Variants in FYN observed in about 807,000 individuals in gnomAD.
FYN encodes FYN proto-oncogene, Src family tyrosine kinase, also known as tyrosine-protein kinase Fyn.
A neutral mutation model predicts 70.2 loss-of-function variants in FYN; 10 were observed. That is an observed-to-expected ratio of 0.14 (90% CI 0.09 to 0.24). The LOEUF (loss-of-function observed/expected upper bound fraction) is 0.24. Ranked by LOEUF, FYN falls within the 10% of genes least tolerant of loss-of-function variation. The pLI, the probability that FYN is intolerant of heterozygous loss-of-function variation, is 1.00. For synonymous variants in FYN, 236 were observed against 248.6 expected (o/e 0.95, Z 0.48); for missense variants, 319 against 673.1 (o/e 0.47, Z 5.82).
At chr6:111,705,695 A>G (rs1243991589) in intron 6 of FYN, among the ~76,000 whole-genome samples, 9 of 152,180 alleles carry the variant, frequency 5.9e-5, no homozygotes, top group Admixed American at 5.2e-4. Context: ...CTGAAAATAC[A>G]AAAATTAGCT....
Position 111,801,781 on chromosome 6 carries a change from T to C in FYN, c.-81-21146A>G, listed in dbSNP as rs1377608336. Among the ~76,000 whole-genome samples, 5 of 152,342 alleles carry C rather than the reference T, an allele frequency of 3.3e-5. 1 individual carries two copies. In the East Asian group the frequency reaches 9.6e-4, roughly 29 times the overall value. ...CATTGGTATTAGACATACATATATA[T>C]GGGTGTTCTGTGGACAAACCATATG... On this transcript the variant is annotated intron_variant, in intron 2 of 13. Transcript: ENST00000354650.
At chr6:111,807,925 T>C (rs1236669047) in intron 2 of FYN, among the ~76,000 whole-genome samples, 2 of 151,958 alleles carry the variant, frequency 1.3e-5, no homozygotes, top group South Asian at 4.2e-4. Flanking sequence ...TTGGTCAACA[T>C]AGTGAAACCC....
chr6:111,778,716 G>C (rs981742617), intron 3 of FYN, among the ~76,000 whole-genome samples: 2 of 151,822 alleles, frequency 1.3e-5, no homozygotes, highest in Non-Finnish European at 1.5e-5. Context: ...GGATGGTCTC[G>C]ATCTCCTGAC....
At chr6:111,834,781 T>G (rs1468021766) in intron 2 of FYN, among the ~76,000 whole-genome samples, 4 of 152,092 alleles carry the variant, frequency 2.6e-5, no homozygotes, top group Admixed American at 1.3e-4. Context: ...TTCACAAAAG[T>G]TTATCAGTTG....
chr6:111,737,378 C>T (rs547693059), intron 3 of FYN, among the ~76,000 whole-genome samples: 20 of 152,252 alleles, frequency 1.3e-4, no homozygotes, highest in Middle Eastern at 3.4e-3. Flanking sequence ...TCTAACCCAC[C>T]GGCTATAAAT....
intron 3 of FYN, among the ~76,000 whole-genome samples, chr6:111,731,555 T>C (rs1479302002): frequency 6.6e-6 from 1 of 152,210 alleles, no homozygotes; most frequent in Non-Finnish European, 1.5e-5. Context: ...GTGTTGGCAC[T>C]TTATTCAGGC....
intron 3 of FYN, among the ~76,000 whole-genome samples, chr6:111,742,745 C>T (rs1428171893): frequency 6.6e-6 from 1 of 152,120 alleles, no homozygotes; most frequent in Non-Finnish European, 1.5e-5. Context: ...TATCATTTAC[C>T]ATCTTATGTC....
At position 111,823,937 on chromosome 6, in the gene FYN, A is replaced by G. The variant is rs185660873; in HGVS notation, c.-82+22652T>C. Among the ~76,000 whole-genome samples, 5 of 152,382 alleles carry G rather than the reference A, an allele frequency of 3.3e-5. 1 individual carries two copies. The East Asian group carries it at 9.6e-4, about 29-fold the overall frequency. On this transcript the variant is annotated intron_variant, in intron 2 of 13. Coordinates refer to ENST00000354650, the MANE Select transcript of FYN (RefSeq NM_002037.5). ...TAACAACACACCCAACCATTTCATT[A>G]GAATGCTATTTTTAATCAGTTCGGC... is the stretch of plus-strand genomic sequence containing the variant.
intron 13 of FYN, among the ~76,000 whole-genome samples, chr6:111,672,777 GC>G (rs1299589543): frequency 6.6e-6 from 1 of 152,028 alleles, no homozygotes; most frequent in East Asian, 1.9e-4. Context: ...AGAGGAAAAT[GC>G]CTGGCACAGT....
intron 9 of FYN, among the ~76,000 whole-genome samples, chr6:111,699,075 CCG>C (rs1799710019): frequency 1.3e-5 from 2 of 152,162 alleles, no homozygotes; most frequent in Non-Finnish European, 2.9e-5. Context: ...GAGCAAGACT[CCG>C]TCTCAACAAC....
intron 3 of FYN, among the ~76,000 whole-genome samples, chr6:111,732,730 C>T (rs547239507): frequency 2.6e-5 from 4 of 152,292 alleles, no homozygotes; most frequent in Middle Eastern, 3.4e-3. Flanking sequence ...GGGAGCTGGT[C>T]GTCCTCCACT....
At chr6:111,755,300 T>C (rs1554284791) in intron 3 of FYN, among the ~76,000 whole-genome samples, 3 of 151,692 alleles carry the variant, frequency 2.0e-5, no homozygotes, top group Non-Finnish European at 4.4e-5. Flanking sequence ...GAAGCCAAAA[T>C]AAAAAAAACC....
chr6:111,670,560 C>T (rs149183459), intron 13 of FYN, among the ~76,000 whole-genome samples: 1 of 151,566 alleles, frequency 6.6e-6, no homozygotes, highest in East Asian at 1.9e-4. Flanking sequence ...GTGCTTGCAA[C>T]AGTACCTGGC....
intron 3 of FYN, among the ~76,000 whole-genome samples, chr6:111,756,909 G>A (rs1802763034): frequency 6.6e-6 from 1 of 152,164 alleles, no homozygotes; most frequent in African/African-American, 2.4e-5. Flanking sequence ...TTTAAAATCA[G>A]TAACAAGCTA....
intron 2 of FYN, among the ~76,000 whole-genome samples, chr6:111,823,519 C>T (rs1388568000): frequency 6.6e-6 from 1 of 152,016 alleles, no homozygotes; most frequent in Non-Finnish European, 1.5e-5. Flanking sequence ...ATACTTTTTT[C>T]CCCCTTTTAT....
chr6:111,697,771 T>C (rs1179116020), intron 9 of FYN, among the ~76,000 whole-genome samples: 1 of 152,220 alleles, frequency 6.6e-6, no homozygotes, highest in African/African-American at 2.4e-5. Flanking sequence ...CTTGTGTTTA[T>C]TGGAAAACAA....
chr6:111,810,319 A>G (rs1562529566), intron 2 of FYN, among the ~76,000 whole-genome samples: 1 of 152,208 alleles, frequency 6.6e-6, no homozygotes, highest in Admixed American at 6.5e-5. Context: ...CCTCTGATTC[A>G]TGGAAGGCCT....
intron 12 of FYN, among the ~76,000 whole-genome samples, chr6:111,688,195 A>C (rs969354860): frequency 3.3e-5 from 5 of 152,230 alleles, no homozygotes; most frequent in African/African-American, 1.2e-4. Context: ...TTTTATGATG[A>C]GAAAGGTGAG....
At chr6:111,750,055 T>C (rs1802414652) in intron 3 of FYN, among the ~76,000 whole-genome samples, 1 of 152,216 alleles carries the variant, frequency 6.6e-6, no homozygotes, top group Admixed American at 6.5e-5. Context: ...CAACTGCTAC[T>C]AACATATATG....
Sources: gnomAD v4.1 joint callset for allele counts (sites outside exome capture counted in the v4.1 genomes callset) on GRCh38, gnomAD v4.1.1 for gene constraint, MANE v1.5 for transcripts, NCBI Gene and HGNC (gene_info 2026-07-23, HGNC 2026-07-21) for gene names.